LIMA1: variants seen among roughly 807,000 people sequenced by gnomAD.
The protein encoded by LIMA1 is LIM domain and actin binding 1.
Under a neutral mutation model 62.6 loss-of-function variants are expected in LIMA1, and 52 were observed. That is an observed-to-expected ratio of 0.83 (90% confidence interval 0.67 to 1.05). The LOEUF (loss-of-function observed/expected upper bound fraction) is 1.05. Among genes scored for constraint, LIMA1 ranks in the 50% least tolerant of loss-of-function variants. LIMA1 has a pLI of 0.00. For synonymous variants in LIMA1, 302 were observed against 317.8 expected, an observed-to-expected ratio of 0.95 and a Z score of 0.53; for missense variants, 780 against 902.2, an observed-to-expected ratio of 0.86 and a Z score of 1.74.
chr12:50,193,498 C>CATATATGTGTATATAT (rs1167819587), intron 8 of LIMA1, among the ~76,000 whole-genome samples: 186 of 123,088 alleles, frequency 1.5e-3, no homozygotes, highest in African/African-American at 5.6e-3. Context: ...ATATATATAT[C>CATATATGTGTATATAT]ATATATGTGT....
intron 1 of LIMA1, among the ~76,000 whole-genome samples, chr12:50,274,916 T>A (rs538440566): frequency 6.6e-6 from 1 of 152,250 alleles, no homozygotes; most frequent in East Asian, 1.9e-4. Context: ...GTGAGAAGCA[T>A]GCGATGACAC....
intron 3 of LIMA1, among the ~76,000 whole-genome samples, chr12:50,224,088 G>A (rs1421564646): frequency 6.6e-6 from 1 of 151,878 alleles, no homozygotes; most frequent in Non-Finnish European, 1.5e-5. Context: ...ACTTTGAAAG[G>A]ACTGTACTCC....
At chr12:50,271,644 A>G (rs1256426465) in intron 1 of LIMA1, among the ~76,000 whole-genome samples, 2 of 152,234 alleles carry the variant, frequency 1.3e-5, no homozygotes, top group African/African-American at 4.8e-5. Context: ...AATTAGAAAA[A>G]GAATGTGGAA....
At chr12:50,244,529 G>A (rs576661711) in intron 2 of LIMA1, among the ~76,000 whole-genome samples, 7 of 152,262 alleles carry the variant, frequency 4.6e-5, no homozygotes, top group East Asian at 1.9e-4. Flanking sequence ...ATGAGCCAGC[G>A]TGCCCAGCCA....
At chr12:50,192,190 C>T (rs189924144) in intron 9 of LIMA1, among the ~76,000 whole-genome samples, 40 of 151,124 alleles carry the variant, frequency 2.6e-4, no homozygotes, top group South Asian at 2.1e-4. Flanking sequence ...ATAAAAAAAC[C>T]GACATTATTT....
In LIMA1 at chr12:50,228,331, C is replaced by T. The variant is rs193286498; in HGVS notation, c.165+3334G>A. ...GGGTCAACTTCTCTTAACCCACTGT[C>T]TTGAACCTAGTCCAATTCAGGCCTC... is the stretch of plus-strand genomic sequence containing the variant. On this transcript the variant is annotated intron_variant, in intron 3 of 10. Coordinates refer to ENST00000341247, the MANE Select transcript of LIMA1 (RefSeq NM_016357.5). 1.4e-3 allele frequency among the ~76,000 whole-genome samples: 220 copies of T among 152,318 alleles called. 1 individual carries two copies. The highest frequency in any genetic ancestry group is 1.2e-3 in the Admixed American group (19 of 15,290).
chr12:50,217,881 C>T, intron 4 of LIMA1: 1 of 166,132 alleles, frequency 6.0e-6, no homozygotes, highest in Non-Finnish European at 1.3e-5. Flanking sequence ...ACATTTCAAG[C>T]ATTTCAAGTG....
Position 50,176,783 on chromosome 12 carries a change from T to G in LIMA1, c.*281A>C. The G allele has an allele frequency of 3.2e-6, 1 of 312,580 alleles. No individual in the cohort carries two copies. 19.4% of individuals were successfully genotyped at this position (312,580 alleles called of 1,614,324 possible). ...GGGAATACAGTAGAATCTGGGCTAT[T>G]ATCAGGTGGAATATTTCCCCAGTTA... On this transcript the variant is annotated 3_prime_UTR_variant, in exon 11 of 11. Transcript: ENST00000341247.
intron 3 of LIMA1, among the ~76,000 whole-genome samples, chr12:50,226,402 TG>T (rs1941528298): frequency 6.6e-6 from 1 of 152,198 alleles, no homozygotes; most frequent in South Asian, 2.1e-4. Context: ...TGGAGGCTTC[TG>T]CTTTATTTTA....
intron 4 of LIMA1, among the ~76,000 whole-genome samples, chr12:50,220,156 G>A (rs1291965083): frequency 6.6e-6 from 1 of 151,934 alleles, no homozygotes; most frequent in East Asian, 1.9e-4. Flanking sequence ...CACCTCCCAG[G>A]TTCAAGTGAT....
intron 8 of LIMA1, among the ~76,000 whole-genome samples, chr12:50,193,473 TTA>T (rs1051271865): frequency 2.2e-5 from 3 of 138,698 alleles, no homozygotes; most frequent in African/African-American, 5.5e-5. Flanking sequence ...TACAAGAAAT[TTA>T]TATATATATA....
At position 50,277,789 on chromosome 12, in the gene LIMA1, C is replaced by T. The variant is rs372326221; in HGVS notation, c.-24+5631G>A. 1.5e-3 allele frequency among the ~76,000 whole-genome samples: 227 copies of T among 152,188 alleles called. 1 individual carries two copies. The South Asian group carries it at 0.038, about 26-fold the overall frequency. On this transcript the variant is annotated intron_variant, in intron 1 of 10. Transcript: ENST00000341247. ...AAAAGCCTGTGCTTCCCCCACAAAA[C>T]GCTCCAAATAAAAGAATACCAAACA...
At chr12:50,199,353 A>G (rs1310923770) in intron 7 of LIMA1, among the ~76,000 whole-genome samples, 3 of 152,104 alleles carry the variant, frequency 2.0e-5, no homozygotes, top group Non-Finnish European at 2.9e-5. Context: ...CAATCCCTGT[A>G]ATTCCTCAGC....
rs80012066 is a variant in LIMA1 at position 50,180,302 on chromosome 12, GA to G, written c.1274+1601del. 8.2e-3 allele frequency among the ~76,000 whole-genome samples: 970 copies of G among 118,724 alleles called. 9 individuals carry two copies. The highest frequency in any genetic ancestry group is 0.025 in the African/African-American group (821 of 32,240). The allele number at this position is 118,724 out of a possible 152,430, so 77.9% of individuals were successfully genotyped here. A position where few individuals can be genotyped will look rare whatever the true frequency, so the allele number is the denominator to read the frequency against. ...GCGACAGAGCAAGACTCCATCTCCGGAAAAAAAAAAAAAAAGAAAGAAATTA... is the reference window on the plus strand; with the variant it reads ...GCGACAGAGCAAGACTCCATCTCCGGAAAAAAAAAAAAAAGAAAGAAATTA... On this transcript the variant is annotated intron_variant, in intron 10 of 10. Transcript: ENST00000341247.
intron 1 of LIMA1, among the ~76,000 whole-genome samples, chr12:50,280,380 G>T (rs1044176582): frequency 6.6e-6 from 1 of 151,782 alleles, no homozygotes; most frequent in Admixed American, 6.6e-5. Flanking sequence ...GGATGGTCTC[G>T]ATCTCCTGAC....
chr12:50,234,920 A>G (rs142797419), intron 2 of LIMA1, among the ~76,000 whole-genome samples: 1,709 of 152,078 alleles, frequency 0.011, 14 homozygotes, highest in South Asian at 0.021. Context: ...CTGAGATAGG[A>G]GGATTCCTTG....
chr12:50,212,590 C>T (rs61928266), intron 4 of LIMA1, among the ~76,000 whole-genome samples: 1 of 151,132 alleles, frequency 6.6e-6, no homozygotes, highest in East Asian at 1.9e-4. Context: ...TTGTGTTAGT[C>T]TTACAATTAG....
At chr12:50,204,094 T>TA (rs1462800863) in intron 6 of LIMA1, among the ~76,000 whole-genome samples, 5 of 152,064 alleles carry the variant, frequency 3.3e-5, no homozygotes, top group African/African-American at 4.8e-5. Context: ...TATATCTCAG[T>TA]AAAAAATCAC....
intron 9 of LIMA1, among the ~76,000 whole-genome samples, chr12:50,191,108 C>CAAAA (rs745749669): frequency 1.7e-4 from 8 of 46,700 alleles, no homozygotes; most frequent in African/African-American, 3.4e-4. Context: ...GAACCTGTCT[C>CAAAA]AAAAAAAAAA....
Sources: allele counts gnomAD v4.1 joint callset (sites outside exome capture counted in the v4.1 genomes callset), GRCh38; gene constraint gnomAD v4.1.1; transcripts MANE v1.5; gene names NCBI Gene and HGNC (gene_info 2026-07-23, HGNC 2026-07-21).